The following BICRAL variants were observed in gnomAD, a reference collection of about 807,000 sequenced individuals.
The protein encoded by BICRAL is BICRA like chromatin remodeling complex associated protein, also known as BRD4-interacting chromatin-remodeling complex-associated protein-like.
In BICRAL, 8 loss-of-function variants were observed where a neutral mutation model predicts 91.8. The observed-to-expected ratio is 0.09, with a 90% CI of 0.05 to 0.16. The LOEUF (loss-of-function observed/expected upper bound fraction) is 0.16. Among genes scored for constraint, BICRAL ranks in the 10% least tolerant of loss-of-function variants. BICRAL has a pLI of 1.00. For missense variants in BICRAL, 1,038 were observed against 1,310.9 expected (o/e 0.79, Z 3.21); for synonymous variants, 445 against 491.1 (o/e 0.91, Z 1.24).
intron 1 of BICRAL, among the ~76,000 whole-genome samples, chr6:42,763,656 A>C (rs897922109): frequency 6.6e-6 from 1 of 151,684 alleles, no homozygotes; most frequent in Non-Finnish European, 1.5e-5. Context: ...CCCCATCTCT[A>C]CTAAAAATGT....
intron 1 of BICRAL, among the ~76,000 whole-genome samples, chr6:42,752,637 A>G (rs1321576910): frequency 1.3e-5 from 2 of 150,332 alleles, no homozygotes; most frequent in Admixed American, 1.3e-4. Flanking sequence ...ATTGAGTCTC[A>G]CTGTTTCCCA....
intron 11 of BICRAL, among the ~76,000 whole-genome samples, chr6:42,861,516 A>T (rs1402237411): frequency 6.6e-6 from 1 of 152,232 alleles, no homozygotes; most frequent in African/African-American, 2.4e-5. Flanking sequence ...CTGAGATTTG[A>T]GAAGCAGTTC....
At chr6:42,822,435 G>A (rs1281405941) in intron 3 of BICRAL, among the ~76,000 whole-genome samples, 1 of 146,706 alleles carries the variant, frequency 6.8e-6, no homozygotes, top group Non-Finnish European at 1.5e-5. Context: ...TTTTTGTAGA[G>A]ACAGGGTTTT....
At chr6:42,810,423 G>A (rs1334483532) in intron 2 of BICRAL, 22 bp downstream of exon 2, 1 of 152,182 alleles carries the variant, frequency 6.6e-6, no homozygotes, top group East Asian at 1.9e-4. Flanking sequence ...TTGCATGTCT[G>A]TCTTCCAAAA....
At chr6:42,801,145 A>C (rs1405747510) in intron 1 of BICRAL, among the ~76,000 whole-genome samples, 1 of 151,568 alleles carries the variant, frequency 6.6e-6, no homozygotes, top group East Asian at 1.9e-4. Flanking sequence ...CCAGCTACTC[A>C]GGAGGCTAAA....
chr6:42,849,858 C>T (rs1450265557), intron 6 of BICRAL, among the ~76,000 whole-genome samples: 1 of 151,860 alleles, frequency 6.6e-6, no homozygotes, highest in Non-Finnish European at 1.5e-5. Flanking sequence ...TCAAGACCAG[C>T]CTGGGCAACA....
chr6:42,794,072 G>A (rs1763353130), intron 1 of BICRAL, among the ~76,000 whole-genome samples: 1 of 151,362 alleles, frequency 6.6e-6, no homozygotes, highest in South Asian at 2.1e-4. Context: ...TTGAGACAGG[G>A]GCTCGCTGTG....
intron 2 of BICRAL, among the ~76,000 whole-genome samples, chr6:42,819,581 C>T (rs760048522): frequency 6.6e-6 from 1 of 152,114 alleles, no homozygotes; most frequent in Non-Finnish European, 1.5e-5. Flanking sequence ...CCACCATGCC[C>T]GGCCTATCTT....
chr6:42,835,476 TTTAC>T (rs996223538), intron 6 of BICRAL, among the ~76,000 whole-genome samples: 1 of 152,108 alleles, frequency 6.6e-6, no homozygotes, highest in African/African-American at 2.4e-5. Context: ...ACCATGTTTA[TTTAC>T]TTACTTGTTC....
chr6:42,859,976 A>G lies in BICRAL; in HGVS notation c.2255-286A>G, dbSNP rs373254111. Among the ~76,000 whole-genome samples the G allele has an allele frequency of 5.3e-5, 8 of 152,200 alleles. No individual in the cohort carries two copies. In the East Asian group the frequency reaches 1.5e-3, roughly 29 times the overall value. ...TTGATATTTATTGCGAGTCTGTTAT[A>G]TGGTTTTATTTTATAGGTGATATCA... On this transcript the variant is annotated intron_variant, in intron 10 of 12. Coordinates refer to ENST00000314073, the MANE Select transcript of BICRAL (RefSeq NM_001393499.1).
At chr6:42,861,810 C>G (rs926340515) in intron 11 of BICRAL, among the ~76,000 whole-genome samples, 5 of 148,020 alleles carry the variant, frequency 3.4e-5, no homozygotes, top group Non-Finnish European at 7.5e-5. Flanking sequence ...ACCAGCCTGG[C>G]CAACATGGCA....
At chr6:42,820,172 A>G (rs1371292143) in intron 2 of BICRAL, among the ~76,000 whole-genome samples, 1 of 152,098 alleles carries the variant, frequency 6.6e-6, no homozygotes, top group Non-Finnish European at 1.5e-5. Flanking sequence ...CTCATCAAGT[A>G]GAGGAACTAG....
upstream of BICRAL, among the ~76,000 whole-genome samples, chr6:42,781,592 G>GTGT (rs1762908098): frequency 2.6e-5 from 3 of 116,708 alleles, no homozygotes; most frequent in South Asian, 2.7e-4. Flanking sequence ...TGGGTGGGTG[G>GTGT]GTGGGTGTGT....
In BICRAL at chr6:42,794,724, G is replaced by A. The variant is rs796561784; in HGVS notation, c.-102+12623G>A. Among the ~76,000 whole-genome samples, 261 of 150,572 alleles carry A rather than the reference G, an allele frequency of 1.7e-3. 1 individual carries two copies. The highest frequency in any genetic ancestry group is 5.7e-3 in the African/African-American group (234 of 41,064). ...AGCAGTTTGCGAGGCTGAGGCGGGC[G>A]GATCACTTGAGGCCAGGAGTTCGAG... On this transcript the variant is annotated intron_variant, in intron 1 of 12. Coordinates refer to ENST00000314073, the MANE Select transcript of BICRAL (RefSeq NM_001393499.1).
chr6:42,779,054 A>C (rs1762842527), upstream of BICRAL, among the ~76,000 whole-genome samples: 1 of 151,766 alleles, frequency 6.6e-6, no homozygotes, highest in Non-Finnish European at 1.5e-5. Context: ...CCCGTCTCTA[A>C]AAAACTAAAA....
chr6:42,797,031 C>CCAA (rs1356653083), intron 1 of BICRAL, among the ~76,000 whole-genome samples: 10 of 129,654 alleles, frequency 7.7e-5, no homozygotes, highest in Non-Finnish European at 1.4e-4. Context: ...GCAACAAGAG[C>CCAA]GAAACTCTGT....
Position 42,864,766 on chromosome 6 carries a change from C to G in BICRAL, c.2560C>G (p.Gln854Glu). The change falls in exon 13 of 13, where the codon CAA (glutamine) becomes GAA (glutamate). Residue 854 changes from glutamine to glutamate, a missense_variant. This residue lies in a region of BICRAL where 294 missense variants were observed against 292.6 expected (regional missense o/e 1.00). Coordinates refer to ENST00000314073, the MANE Select transcript of BICRAL (RefSeq NM_001393499.1). The part of the protein sequence containing the change: ...QHGSKASSSL[Q>E]PPAKAQGRDR... Reference sequence around the variant, plus strand: ...TGGCAGTAAAGCAAGCAGCTCTCTGCAACCGCCAGCCAAGGCCCAAGGCAG... The same window carrying G: ...TGGCAGTAAAGCAAGCAGCTCTCTGGAACCGCCAGCCAAGGCCCAAGGCAG... 6.2e-7 allele frequency: 1 copy of G among 1,614,194 alleles called. No homozygotes were observed.
At chr6:42,761,004 C>A (rs188141084) in intron 1 of BICRAL, among the ~76,000 whole-genome samples, 2 of 149,238 alleles carry the variant, frequency 1.3e-5, no homozygotes, top group East Asian at 3.9e-4. Flanking sequence ...CCTGATCACG[C>A]CACTGCATTT....
Position 42,790,586 on chromosome 6 carries a change from A to G in BICRAL, c.-102+8485A>G, listed in dbSNP as rs191834243. Reference sequence around the variant, plus strand: ...TGAGTCTGCTGTCATTCCCTTTTTCATGAGTTTTCTCTGCTCCCCAAATAG... The same window carrying G: ...TGAGTCTGCTGTCATTCCCTTTTTCGTGAGTTTTCTCTGCTCCCCAAATAG... On this transcript the variant is annotated intron_variant, in intron 1 of 12. Transcript: ENST00000314073. 4.6e-3 allele frequency among the ~76,000 whole-genome samples: 661 copies of G among 144,234 alleles called. 3 individuals carry two copies. The highest frequency in any genetic ancestry group is 0.016 in the African/African-American group (616 of 38,790). The allele number at this position is 144,234 out of a possible 152,430, so 94.6% of individuals were successfully genotyped here.
Sources: gnomAD v4.1 joint callset for allele counts (sites outside exome capture counted in the v4.1 genomes callset) on GRCh38, gnomAD v4.1.1 for gene constraint, gnomAD v4.1.1 regional missense constraint, MANE v1.5 for transcripts, NCBI Gene and HGNC (gene_info 2026-07-23, HGNC 2026-07-21) for gene names.